The following EML5 variants were observed in gnomAD, a reference collection of about 807,000 sequenced individuals.
The protein encoded by EML5 is EMAP like 5.
Under a neutral mutation model 250.0 loss-of-function variants are expected in EML5, and 120 were observed. That is an observed-to-expected ratio of 0.48 (90% confidence interval 0.41 to 0.56). The LOEUF is 0.56. EML5 is among the 20% of genes least tolerant of loss of function. EML5 has a pLI of 0.00. For synonymous variants in EML5, 771 were observed against 806.5 expected (o/e 0.96, Z 0.75); for missense variants, 2,006 against 2,437.6 (o/e 0.82, Z 3.73).
chr14:88,646,513 T>G (rs2091354967), intron 29 of EML5, among the ~76,000 whole-genome samples: 1 of 152,178 alleles, frequency 6.6e-6, no homozygotes, highest in Non-Finnish European at 1.5e-5. Context: ...AAGTCAATTT[T>G]GTTGGTGAAT....
intron 32 of EML5, among the ~76,000 whole-genome samples, chr14:88,636,104 C>G (rs761599528): frequency 2.0e-5 from 3 of 152,134 alleles, no homozygotes; most frequent in Non-Finnish European, 4.4e-5. Flanking sequence ...TCCATCCACC[C>G]CTACACAAAG....
chr14:88,744,729 A>C (rs147478910), intron 3 of EML5, among the ~76,000 whole-genome samples: 1 of 152,212 alleles, frequency 6.6e-6, no homozygotes, highest in African/African-American at 2.4e-5. Flanking sequence ...AAATGATGAA[A>C]GAAAAACTAA....
chr14:88,647,676 T>A, intron 28 of EML5, among the ~76,000 whole-genome samples: 1 of 92,980 alleles, frequency 1.1e-5, no homozygotes, highest in African/African-American at 5.3e-5. Context: ...GGTAACAGAG[T>A]GAGACCGTCT....
At chr14:88,685,952 T>C (rs1284273442) in intron 19 of EML5, among the ~76,000 whole-genome samples, 2 of 152,178 alleles carry the variant, frequency 1.3e-5, no homozygotes, top group African/African-American at 4.8e-5. Context: ...CAACTATATT[T>C]ATTTATGTCT....
chr14:88,788,233 T>C (rs1330377795), intron 1 of EML5, among the ~76,000 whole-genome samples: 2 of 152,202 alleles, frequency 1.3e-5, no homozygotes, highest in South Asian at 2.1e-4. Context: ...GCTTTTCCAA[T>C]TACAATTTTG....
rs777460643 is a variant in EML5 at position 88,711,600 on chromosome 14, C to T, written c.1657+671G>A. Among the ~76,000 whole-genome samples, 11 of 151,978 alleles carry T rather than the reference C, an allele frequency of 7.2e-5. No individual in the cohort carries two copies. In the East Asian group the frequency reaches 1.8e-3, roughly 24 times the overall value. ...TAATCCAATCACTTCTCACCAGGTT[C>T]CTCCCTTAACACCTGGAGATTACAA... On this transcript the variant is annotated intron_variant, in intron 10 of 43. Coordinates refer to ENST00000554922, the MANE Select transcript of EML5 (RefSeq NM_183387.3).
chr14:88,757,970 G>C (rs1283275666), intron 1 of EML5, among the ~76,000 whole-genome samples: 1 of 150,782 alleles, frequency 6.6e-6, no homozygotes, highest in Non-Finnish European at 1.5e-5. Flanking sequence ...CTCCTGCTTT[G>C]GCCTCTCAAG....
At chr14:88,704,805 C>T (rs1471959004) in intron 13 of EML5, 55 bp downstream of exon 13, 1 of 1,306,880 alleles carries the variant, frequency 7.7e-7, no homozygotes, top group Non-Finnish European at 1.1e-6. Flanking sequence ...AGATGTTAAG[C>T]TAGTAAGTGT....
chr14:88,664,291 GAAAAGA>G (rs1248065382), intron 23 of EML5, among the ~76,000 whole-genome samples, 196 bp downstream of exon 23: 2 of 130,750 alleles, frequency 1.5e-5, no homozygotes, highest in Non-Finnish European at 3.2e-5. Context: ...AAAAAAAAAA[GAAAAGA>G]AAAAGGAAAA....
chr14:88,652,720 T>C lies in EML5; in HGVS notation c.4005-2794A>G, dbSNP rs191407106. 3.6e-3 allele frequency among the ~76,000 whole-genome samples: 541 copies of C among 152,316 alleles called. 1 individual carries two copies. Among genetic ancestry groups the C allele is most frequent in the Non-Finnish European group, 4.6e-3 (312 of 68,012 alleles). On this transcript the variant is annotated intron_variant, in intron 27 of 43. Coordinates refer to ENST00000554922, the MANE Select transcript of EML5 (RefSeq NM_183387.3). ...TTACTGTTTCTGGATCTTTTCCTTT[T>C]TTGTTCTTTAAACCTCTTTGCTTCT... is the stretch of plus-strand genomic sequence containing the variant.
rs1451939983 is a variant in EML5 at position 88,726,589 on chromosome 14, T to A, written c.1139A>T (p.His380Leu). 1 of 1,600,830 alleles carries A rather than the reference T, an allele frequency of 6.2e-7. No homozygotes were observed. The highest frequency in any genetic ancestry group is 1.3e-5 in the African/African-American group (1 of 74,744). ...GCCATCCTTCATTCCAAGGGCAAGA[T>A]GGATTCCATCTGCATTGACAGCTGC... Reference protein sequence around the residue: ...RCAAVNADGIHLALGMKDGSF... With the variant: ...RCAAVNADGILLALGMKDGSF... Residue 380 changes from histidine to leucine, a missense_variant, in exon 8 of 44, where the codon CAT (histidine) becomes CTT (leucine). This residue lies in a region of EML5 where 1,375 missense variants were observed against 1,590.3 expected (regional missense o/e 0.86). Coordinates refer to ENST00000554922, the MANE Select transcript of EML5 (RefSeq NM_183387.3).
At chr14:88,765,896 G>A (rs149433959) in intron 1 of EML5, among the ~76,000 whole-genome samples, 9 of 152,208 alleles carry the variant, frequency 5.9e-5, no homozygotes, top group South Asian at 2.1e-4. Flanking sequence ...GACCCCGAAC[G>A]GAGGGACCGG....
Position 88,627,763 on chromosome 14 carries a change from GGATA to G in EML5, c.4410_4413del (p.Ile1471Ter). ...ACTCCCTTTGAATGGTAGCATCTTA[GGATA>G]GATAAAGTCTGCTTGTTCATTGCAT... On this transcript the variant is annotated frameshift_variant, in exon 34 of 44. Coordinates refer to ENST00000554922, the MANE Select transcript of EML5 (RefSeq NM_183387.3). LOFTEE classifies it high-confidence loss of function. The G allele has an allele frequency of 6.2e-7, 1 of 1,611,312 alleles. No individual in the cohort carries two copies. Among genetic ancestry groups the G allele is most frequent in the Non-Finnish European group, 8.5e-7 (1 of 1,178,750 alleles).
chr14:88,689,936 A>C (rs973665896), intron 17 of EML5, among the ~76,000 whole-genome samples: 15 of 152,198 alleles, frequency 9.9e-5, no homozygotes, highest in African/African-American at 3.4e-4. Context: ...AAATAGAAGC[A>C]TAAAAAGGAG....
intron 19 of EML5, among the ~76,000 whole-genome samples, chr14:88,686,188 T>C (rs2092827785): frequency 6.6e-6 from 1 of 151,838 alleles, no homozygotes; most frequent in African/African-American, 2.4e-5. Context: ...GTCAAGTAAC[T>C]GGAGGGGGCA....
rs536750060 is a variant in EML5, at chr14:88,771,472, C to T, written c.198-16801G>A. On this transcript the variant is annotated intron_variant, in intron 1 of 43. Transcript: ENST00000554922. ...AGAACTATGCTTTCTGGAATTATTG[C>T]TTCCTCACTACTGAGTCATTCCTAT... 4.5e-4 allele frequency among the ~76,000 whole-genome samples: 69 copies of T among 152,264 alleles called. No individual in the cohort carries two copies. The South Asian group carries it at 0.011, about 23-fold the overall frequency.
intron 23 of EML5, 68 bp downstream of exon 23, chr14:88,664,425 T>C (rs980295159): frequency 1.5e-6 from 2 of 1,323,330 alleles, no homozygotes; most frequent in Admixed American, 5.7e-5. Flanking sequence ...CACTTTTCCG[T>C]TTCTCTAATA....
At chr14:88,767,598 C>G (rs2094337401) in intron 1 of EML5, among the ~76,000 whole-genome samples, 1 of 152,114 alleles carries the variant, frequency 6.6e-6, no homozygotes, top group African/African-American at 2.4e-5. Flanking sequence ...TGGTACAATT[C>G]TTTTCTCAAC....
chr14:88,736,414 G>A lies in EML5; in HGVS notation c.999C>T (p.Val333=). Residue 333 remains valine, a synonymous_variant, in exon 7 of 44, where the codon GTC becomes GTT. Coordinates refer to ENST00000554922, the MANE Select transcript of EML5 (RefSeq NM_183387.3). The stretch of plus-strand genomic sequence containing the variant: ...TCACAGCCAAAGGTTTAGTAGGATG[G>A]ACAGCAAGTGCCCAAAGTTCACCTT... ...HCEGELWALA[V]HPTKPLAVTG... is the part of the protein sequence containing the mutation. The A allele has an allele frequency of 1.9e-6, 3 of 1,613,940 alleles. No individual in the cohort carries two copies. Among genetic ancestry groups the A allele is most frequent in the East Asian group, 2.2e-5 (1 of 44,884 alleles).
Sources: gnomAD v4.1 joint callset for allele counts (sites outside exome capture counted in the v4.1 genomes callset) on GRCh38, gnomAD v4.1.1 for gene constraint, gnomAD v4.1.1 regional missense constraint, MANE v1.5 for transcripts, NCBI Gene and HGNC (gene_info 2026-07-23, HGNC 2026-07-21) for gene names.